Variants in SEC31A observed in about 807,000 individuals in gnomAD.
SEC31A encodes the protein protein transport protein Sec31A.
Under a neutral mutation model 151.0 loss-of-function variants are expected in SEC31A, and 70 were observed. The ratio of observed to expected loss-of-function variants is 0.46; its 90% CI spans 0.38 to 0.57. The LOEUF (loss-of-function observed/expected upper bound fraction) is 0.57. Among genes scored for constraint, SEC31A ranks in the 20% least tolerant of loss-of-function variants. The probability of loss-of-function intolerance (pLI) is 0.00; values close to 1 mark genes in which losing one functional copy is unlikely to be tolerated. For synonymous variants in SEC31A, 475 were observed against 505.9 expected, an observed-to-expected ratio of 0.94 and a Z score of 0.82; for missense variants, 1,330 against 1,471.2, an observed-to-expected ratio of 0.90 and a Z score of 1.57.
intron 8 of SEC31A, 88 bp from the exon 9 acceptor site, chr4:82,867,404 T>C (rs1735644189): frequency 9.1e-7 from 1 of 1,099,248 alleles, no homozygotes; most frequent in East Asian, 2.5e-5. Flanking sequence ...GGTCAACAAG[T>C]ATAGTTAAAT....
At position 82,822,985 on chromosome 4, in the gene SEC31A, A is replaced by C. The variant is rs1443931931; in HGVS notation, c.3411+1570T>G. Among the ~76,000 whole-genome samples, 3 of 152,160 alleles carry C rather than the reference A, an allele frequency of 2.0e-5. No individual in the cohort carries two copies. In the East Asian group the frequency reaches 5.8e-4, roughly 29 times the overall value. On this transcript the variant is annotated intron_variant, in intron 25 of 26. Coordinates refer to ENST00000395310, the MANE Select transcript of SEC31A (RefSeq NM_001077207.4). ...TGAAACTCCGTCTCAAAAAAAAAGA[A>C]AAACAAAGTTAACCTTATCTAGCTA...
chr4:82,865,868 G>A (rs1427236326), intron 10 of SEC31A, among the ~76,000 whole-genome samples: 2 of 152,134 alleles, frequency 1.3e-5, no homozygotes, highest in Admixed American at 6.5e-5. Context: ...GCACAACAAC[G>A]TGTATATAGT....
intron 3 of SEC31A, among the ~76,000 whole-genome samples, chr4:82,899,195 G>A (rs1163185951): frequency 6.6e-6 from 1 of 152,130 alleles, no homozygotes; most frequent in Non-Finnish European, 1.5e-5. Flanking sequence ...TTTGCTGAGC[G>A]GGGTGGGGGA....
At chr4:82,836,999 C>A (rs1003773089) in intron 22 of SEC31A, among the ~76,000 whole-genome samples, 1 of 151,538 alleles carries the variant, frequency 6.6e-6, no homozygotes, top group Non-Finnish European at 1.5e-5. Context: ...GATCATTATG[C>A]ATTGTATACC....
rs140560088 is a variant in SEC31A at position 82,878,919 on chromosome 4, C to T, written c.213G>A (p.Lys71=). The change falls in exon 4 of 27, where the codon AAG becomes AAA. Residue 71 remains lysine, a synonymous_variant. Coordinates refer to ENST00000395310, the MANE Select transcript of SEC31A (RefSeq NM_001077207.4). ...ATFSSSHRYH[K]LIWGPYKMDS... ...CCATTTTATAAGGCCCCCAAATCAACTTGTGGTACCTACAGGAGAAAATGA... is the reference window on the plus strand; with the variant it reads ...CCATTTTATAAGGCCCCCAAATCAATTTGTGGTACCTACAGGAGAAAATGA... The T allele has an allele frequency of 1.1e-4, 181 of 1,611,782 alleles. No individual in the cohort carries two copies. Among genetic ancestry groups the T allele is most frequent in the African/African-American group, 4.0e-5 (3 of 74,982 alleles).
Position 82,842,454 on chromosome 4 carries a change from A to G in SEC31A, c.2654T>C (p.Phe885Ser), listed in dbSNP as rs758534486. The G allele has an allele frequency of 6.2e-7, 1 of 1,613,216 alleles. No homozygotes were observed. The highest frequency in any genetic ancestry group is 8.5e-7 in the Non-Finnish European group (1 of 1,179,654). The change falls in exon 22 of 27, where the codon TTC becomes TCC. Residue 885 changes from phenylalanine (F) to serine (S), a missense_variant. By Grantham distance (155) the Phe-to-Ser change is radical. Coordinates refer to ENST00000395310, the MANE Select transcript of SEC31A (RefSeq NM_001077207.4). The part of the protein sequence containing the change: ...QPYQPAQPYP[F>S]GTGGSAMYRP... ...ATACATTGCTGACCCCCCTGTTCCG[A>G]AGGGATACGGCTGGGCTGGTTGATA...
chr4:82,872,440 C>T (rs181151494), intron 6 of SEC31A, among the ~76,000 whole-genome samples: 249 of 152,260 alleles, frequency 1.6e-3, no homozygotes, highest in African/African-American at 4.8e-3. Flanking sequence ...CCACCCACCT[C>T]GGCCTCCTAA....
At chr4:82,835,719 TAGGAGACAG>T (rs1727060643) in intron 22 of SEC31A, among the ~76,000 whole-genome samples, 1 of 151,964 alleles carries the variant, frequency 6.6e-6, no homozygotes, top group African/African-American at 2.4e-5. Context: ...TGCTTGAACC[TAGGAGACAG>T]AGGTTGCAGT....
intron 9 of SEC31A, 71 bp downstream of exon 9, chr4:82,867,084 C>A: frequency 6.4e-7 from 1 of 1,552,028 alleles, no homozygotes; most frequent in South Asian, 1.2e-5. Context: ...TCAGTGAAGT[C>A]ATTTCAAAAT....
chr4:82,866,884 G>C lies in SEC31A; in HGVS notation c.1121C>G (p.Thr374Ser), dbSNP rs1735521061. ...PLPPLQIPQQTAQHSIVLPLK... is the reference protein window; with the variant it reads ...PLPPLQIPQQSAQHSIVLPLK... ...AGGCAGCACTATACTATGCTGAGCA[G>C]TCTGCTGTGGAATTTGTAACGGAGG... Residue 374 changes from threonine (T) to serine (S), a missense_variant, in exon 10 of 27, where the codon ACT becomes AGT. Thr to Ser is a moderately conservative substitution (Grantham distance 58). Coordinates refer to ENST00000395310, the MANE Select transcript of SEC31A (RefSeq NM_001077207.4). 6.2e-7 allele frequency: 1 copy of C among 1,614,168 alleles called. No individual in the cohort carries two copies. Among genetic ancestry groups the C allele is most frequent in the Admixed American group, 1.7e-5 (1 of 60,012 alleles).
In SEC31A at chr4:82,827,386, T is replaced by G; in HGVS notation, c.3274A>C (p.Ile1092Leu). The G allele has an allele frequency of 6.2e-7, 1 of 1,614,112 alleles. No individual in the cohort carries two copies. The highest frequency in any genetic ancestry group is 8.5e-7 in the Non-Finnish European group (1 of 1,179,932). ...ACTGTTACCTGGAAGGTATTTCCAA[T>G]AGGAGCCCCTGGGGCACCTTCAATA... ...PNIEGAPGAP[I>L]GNTFQHVQSL... Residue 1092 changes from isoleucine to leucine, a missense_variant, in exon 24 of 27, where the codon ATT (isoleucine) becomes CTT (leucine). Transcript: ENST00000395310.
intron 12 of SEC31A, 23 bp from the exon 13 acceptor site, chr4:82,862,595 C>A (rs756236402): frequency 6.2e-7 from 1 of 1,606,668 alleles, no homozygotes; most frequent in East Asian, 2.2e-5. Context: ...TAACAGCTCA[C>A]CTACTACATG....
intron 6 of SEC31A, among the ~76,000 whole-genome samples, chr4:82,873,355 C>CAA (rs763404751): frequency 1.8e-5 from 2 of 112,974 alleles, no homozygotes; most frequent in Admixed American, 9.4e-5. Context: ...GAGTCCCTCT[C>CAA]AAAAAAAAAA....
At chr4:82,873,757 C>G (rs12649056) in intron 6 of SEC31A, among the ~76,000 whole-genome samples, 1 of 151,460 alleles carries the variant, frequency 6.6e-6, no homozygotes, top group Non-Finnish European at 1.5e-5. Context: ...AACAAACAAA[C>G]AAAAAAAGCT....
upstream of SEC31A, among the ~76,000 whole-genome samples, chr4:82,891,667 G>C (rs1578429581): frequency 6.6e-6 from 1 of 152,352 alleles, no homozygotes; most frequent in East Asian, 1.9e-4. Flanking sequence ...TATACAAAGT[G>C]AAACAATCTG....
At position 82,818,754 on chromosome 4, in the gene SEC31A, C is replaced by G. The variant is rs1233638719; in HGVS notation, c.*320G>C. ...GCTCTGCTTTATGCATAACCAGATGCTCCTTTTCTAAAAAGTATATTGAGG... is the reference window on the plus strand; with the variant it reads ...GCTCTGCTTTATGCATAACCAGATGGTCCTTTTCTAAAAAGTATATTGAGG... On this transcript the variant is annotated 3_prime_UTR_variant, in exon 27 of 27. Transcript: ENST00000395310. 5.3e-6 allele frequency: 1 copy of G among 189,132 alleles called. No individual in the cohort carries two copies. The highest frequency in any genetic ancestry group is 1.3e-4 in the East Asian group (1 of 7,810). The allele number at this position is 189,132 out of a possible 1,614,324, so 11.7% of individuals were successfully genotyped here.
rs957707456 is a variant in SEC31A at position 82,859,844 on chromosome 4, T to C, written c.1626+1787A>G. On this transcript the variant is annotated intron_variant, in intron 14 of 26. Coordinates refer to ENST00000395310, the MANE Select transcript of SEC31A (RefSeq NM_001077207.4). ...TCTCGCTCTGTCGCCCAGGCTGGAG[T>C]GCAGTGGCGCATTCTCAGCTCACTG... Among the ~76,000 whole-genome samples the C allele has an allele frequency of 6.6e-5, 10 of 150,412 alleles. No individual in the cohort carries two copies. The Admixed American group carries it at 6.7e-4, about 10-fold the overall frequency.
At chr4:82,840,295 A>G (rs1728437338) in intron 22 of SEC31A, among the ~76,000 whole-genome samples, 1 of 152,014 alleles carries the variant, frequency 6.6e-6, no homozygotes, top group African/African-American at 2.4e-5. Flanking sequence ...TTAAGTGGGG[A>G]TTTACTCCAA....
rs1429452513 is a variant in SEC31A at position 82,851,631 on chromosome 4, A to G, written c.2155-27T>C. The stretch of plus-strand genomic sequence containing the variant: ...TAAATGAAAAAAATGAGTAACAAAC[A>G]GAAATATCAAGACCATGTATGAGAG... On this transcript the variant is annotated intron_variant, in intron 18 of 26. Transcript: ENST00000395310. The G allele has an allele frequency of 6.3e-6, 10 of 1,575,124 alleles. No homozygotes were observed. In the Admixed American group the frequency reaches 1.2e-4, roughly 19 times the overall value.
Sources: allele counts gnomAD v4.1 joint callset (sites outside exome capture counted in the v4.1 genomes callset), GRCh38; gene constraint gnomAD v4.1.1; transcripts MANE v1.5; gene names NCBI Gene and HGNC (gene_info 2026-07-23, HGNC 2026-07-21).